The following PHF14 variants were observed in gnomAD, a reference collection of about 807,000 sequenced individuals.
PHF14 encodes the protein PHD finger protein 14.
Under a neutral mutation model 117.9 loss-of-function variants are expected in PHF14, and 55 were observed. That is an observed-to-expected ratio of 0.47 (90% CI 0.38 to 0.58). PHF14 has a LOEUF of 0.58. Ranked by LOEUF, PHF14 falls within the 20% of genes least tolerant of loss-of-function variation. The probability of loss-of-function intolerance (pLI) is 0.00; values close to 1 mark genes in which losing one functional copy is unlikely to be tolerated. For missense variants in PHF14, 978 were observed against 1,122.2 expected, an observed-to-expected ratio of 0.87 and a Z score of 1.84; for synonymous variants, 409 against 368.6, an observed-to-expected ratio of 1.11 and a Z score of -1.26.
intron 13 of PHF14, among the ~76,000 whole-genome samples, chr7:11,043,322 A>G (rs186972204): frequency 1.3e-3 from 196 of 152,120 alleles, no homozygotes; most frequent in Non-Finnish European, 2.4e-3. Context: ...TCGAATCACT[A>G]CATTTGATAA....
chr7:11,003,725 GAATT>G (rs1409395464), intron 4 of PHF14, among the ~76,000 whole-genome samples: 1 of 152,046 alleles, frequency 6.6e-6, no homozygotes, highest in Non-Finnish European at 1.5e-5. Flanking sequence ...TTATTACCTT[GAATT>G]AATTCATTAA....
At chr7:11,003,775 T>C (rs971278910) in intron 4 of PHF14, among the ~76,000 whole-genome samples, 2 of 152,206 alleles carry the variant, frequency 1.3e-5, no homozygotes, top group Admixed American at 6.5e-5. Flanking sequence ...TGAGTAGATA[T>C]GTAAAAATAG....
chr7:11,000,521 T>G (rs1782828329), intron 4 of PHF14, among the ~76,000 whole-genome samples: 1 of 152,128 alleles, frequency 6.6e-6, no homozygotes, highest in East Asian at 1.9e-4. Flanking sequence ...TTATTTTTAG[T>G]AGAGATGGGG....
rs10658162 is a variant in PHF14, at chr7:11,077,599, TA to T, written c.2654+15536del. ...CTGGCAACAGAGCGAGACTCTGTCT[TA>T]AAAAAAAAAAAAAAAAAAAAAGACA... is the stretch of plus-strand genomic sequence containing the variant. On this transcript the variant is annotated intron_variant, in intron 16 of 17. Transcript: ENST00000634607. Among the ~76,000 whole-genome samples, 845 of 105,002 alleles carry T rather than the reference TA, an allele frequency of 8.0e-3. 7 individuals carry two copies. The highest frequency in any genetic ancestry group is 0.029 in the African/African-American group (722 of 25,168). The allele number at this position is 105,002 out of a possible 152,430, so 68.9% of individuals were successfully genotyped here.
intron 3 of PHF14, among the ~76,000 whole-genome samples, chr7:10,990,297 A>G (rs1782404796): frequency 6.6e-6 from 1 of 152,206 alleles, no homozygotes; most frequent in South Asian, 2.1e-4. Flanking sequence ...AAGTGTAAGA[A>G]TCATGTCTTG....
In PHF14 at chr7:11,042,619, A is replaced by C. The variant is rs1218153002; in HGVS notation, c.2181-64A>C. 9.6e-6 allele frequency: 11 copies of C among 1,147,160 alleles called. No individual in the cohort carries two copies. In the South Asian group the frequency reaches 1.8e-4, roughly 19 times the overall value. 71.1% of individuals were successfully genotyped at this position (1,147,160 alleles called of 1,614,324 possible). ...AATTTTGTAAGTTGAAAAATATGCT[A>C]TAAGTAAACTGTTTCACTATGATAA... On this transcript the variant is annotated intron_variant, in intron 12 of 17. Coordinates refer to ENST00000634607, the MANE Select transcript of PHF14 (RefSeq NM_001007157.2).
intron 16 of PHF14, among the ~76,000 whole-genome samples, chr7:11,082,135 A>G (rs1044194949): frequency 2.6e-5 from 4 of 152,030 alleles, no homozygotes; most frequent in Non-Finnish European, 4.4e-5. Flanking sequence ...CTTGAGCTCA[A>G]GAGTTAAAGA....
intron 14 of PHF14, among the ~76,000 whole-genome samples, chr7:11,058,446 C>G (rs147176398): frequency 1.3e-5 from 2 of 151,930 alleles, no homozygotes; most frequent in African/African-American, 4.8e-5. Flanking sequence ...GGTTGGAGGA[C>G]TTGGTATTTT....
At chr7:11,167,459 CTTTTA>C (rs1789233686) in intron 17 of PHF14, among the ~76,000 whole-genome samples, 1 of 152,076 alleles carries the variant, frequency 6.6e-6, no homozygotes, top group African/African-American at 2.4e-5. Flanking sequence ...TCAGGCATAC[CTTTTA>C]TTCGTTCATT....
intron 14 of PHF14, among the ~76,000 whole-genome samples, chr7:11,059,473 A>T (rs1785134099): frequency 6.6e-6 from 1 of 152,214 alleles, no homozygotes; most frequent in African/African-American, 2.4e-5. Flanking sequence ...AATTTGGAGC[A>T]TCTTATTGAA....
At chr7:11,072,533 A>G (rs371588027) in intron 16 of PHF14, among the ~76,000 whole-genome samples, 103 of 152,344 alleles carry the variant, frequency 6.8e-4, no homozygotes, top group African/African-American at 1.8e-3. Context: ...GCAATAAACA[A>G]TAGTACCTAC....
chr7:11,023,899 G>C (rs1028944750), intron 6 of PHF14, among the ~76,000 whole-genome samples: 2 of 152,200 alleles, frequency 1.3e-5, no homozygotes, highest in African/African-American at 4.8e-5. Context: ...GTGAAAGGAA[G>C]AGTCATACAT....
chr7:11,048,139 A>C (rs925221919), intron 13 of PHF14, among the ~76,000 whole-genome samples: 1 of 152,310 alleles, frequency 6.6e-6, no homozygotes, highest in South Asian at 2.1e-4. Flanking sequence ...CTCTATTCTC[A>C]TACAGTGTGC....
intron 4 of PHF14, among the ~76,000 whole-genome samples, chr7:11,011,238 G>T (rs961988091): frequency 7.9e-5 from 12 of 151,834 alleles, no homozygotes; most frequent in Non-Finnish European, 1.5e-5. Flanking sequence ...TTTCTCGTGG[G>T]TGATTTGTTT....
At chr7:11,017,077 GCT>G (rs1783559559) in intron 5 of PHF14, among the ~76,000 whole-genome samples, 1 of 152,114 alleles carries the variant, frequency 6.6e-6, no homozygotes, top group South Asian at 2.1e-4. Flanking sequence ...CAAATGACTG[GCT>G]CTCATTCTTT....
intron 16 of PHF14, chr7:11,063,086 C>CA: frequency 5.5e-6 from 5 of 902,182 alleles, no homozygotes; most frequent in Non-Finnish European, 6.6e-6. Context: ...CTTAATTTCT[C>CA]AAAGAAAGGC....
intron 17 of PHF14, among the ~76,000 whole-genome samples, chr7:11,141,326 A>T (rs567230320): frequency 6.6e-6 from 1 of 152,038 alleles, no homozygotes; most frequent in Non-Finnish European, 1.5e-5. Flanking sequence ...AATTGTCTGA[A>T]GATATGTAAT....
In PHF14 at chr7:11,062,829, A is replaced by G. The variant is rs967149410; in HGVS notation, c.2654+744A>G. On this transcript the variant is annotated intron_variant, in intron 16 of 17. Transcript: ENST00000634607. Reference sequence around the variant, plus strand: ...AAAAGAGAGCTAATTTAAAAGAGGCATCAGACTTTCAAAGGACAGTGTCAC... The same window carrying G: ...AAAAGAGAGCTAATTTAAAAGAGGCGTCAGACTTTCAAAGGACAGTGTCAC... 5 of 985,158 alleles carry G rather than the reference A, an allele frequency of 5.1e-6. No individual in the cohort carries two copies. In the African/African-American group the frequency reaches 7.0e-5, roughly 14 times the overall value. The allele number at this position is 985,158 out of a possible 1,614,324, so 61.0% of individuals were successfully genotyped here.
chr7:11,021,064 A>G (rs1257256092), intron 5 of PHF14, among the ~76,000 whole-genome samples: 1 of 152,190 alleles, frequency 6.6e-6, no homozygotes, highest in African/African-American at 2.4e-5. Context: ...CTCCAATTTT[A>G]TTGATTAATA....
Sources: allele counts gnomAD v4.1 joint callset (sites outside exome capture counted in the v4.1 genomes callset), GRCh38; gene constraint gnomAD v4.1.1; transcripts MANE v1.5; gene names NCBI Gene and HGNC (gene_info 2026-07-23, HGNC 2026-07-21).